The following THSD7A variants were observed in gnomAD, a reference collection of about 807,000 sequenced individuals.
The protein encoded by THSD7A is thrombospondin type 1 domain containing 7A.
THSD7A carries 96 observed loss-of-function variants against 231.3 expected under a neutral mutation model. The ratio of observed to expected loss-of-function variants is 0.41; its 90% confidence interval spans 0.35 to 0.49. THSD7A has a LOEUF of 0.49. THSD7A is among the 20% of genes least tolerant of loss of function. The pLI is 0.05. For missense variants in THSD7A, 2,290 were observed against 2,070.2 expected (o/e 1.11, Z -2.06); for synonymous variants, 940 against 743.3 (o/e 1.26, Z -4.30).
chr7:11,484,185 G>A (rs1294904265), intron 6 of THSD7A, among the ~76,000 whole-genome samples: 4 of 151,882 alleles, frequency 2.6e-5, no homozygotes, highest in African/African-American at 9.7e-5. Flanking sequence ...TTTCCCTGAT[G>A]GTTTTAGAAT....
chr7:11,779,111 T>C (rs1783540835), intron 1 of THSD7A, among the ~76,000 whole-genome samples: 2 of 152,158 alleles, frequency 1.3e-5, no homozygotes, highest in African/African-American at 2.4e-5. Context: ...CAAAGATCAG[T>C]CTGCTAGCTA....
intron 4 of THSD7A, among the ~76,000 whole-genome samples, chr7:11,573,949 G>A (rs1287148436): frequency 6.6e-6 from 1 of 152,120 alleles, no homozygotes; most frequent in Non-Finnish European, 1.5e-5. Flanking sequence ...TCAAGATCAT[G>A]GAGCTCCTAC....
At chr7:11,628,761 A>G (rs1172960078) in intron 2 of THSD7A, among the ~76,000 whole-genome samples, 3 of 152,202 alleles carry the variant, frequency 2.0e-5, no homozygotes, top group Admixed American at 6.5e-5. Context: ...TAGTGAATTA[A>G]TTAGTTAATG....
At chr7:11,773,335 C>T (rs938786867) in intron 1 of THSD7A, among the ~76,000 whole-genome samples, 2 of 152,078 alleles carry the variant, frequency 1.3e-5, no homozygotes, top group Non-Finnish European at 2.9e-5. Context: ...GAGTTCGTGA[C>T]CAGCCTGATC....
At chr7:11,651,010 T>C (rs2128368452) in intron 1 of THSD7A, among the ~76,000 whole-genome samples, 1 of 152,120 alleles carries the variant, frequency 6.6e-6, no homozygotes, top group Admixed American at 6.6e-5. Context: ...AAAATTGACA[T>C]GTGTTAAGAT....
chr7:11,451,044 G>A (rs559440130), intron 11 of THSD7A, among the ~76,000 whole-genome samples: 3 of 152,042 alleles, frequency 2.0e-5, no homozygotes, highest in African/African-American at 4.8e-5. Flanking sequence ...CTGAAAGCAC[G>A]GGAAGAATCA....
chr7:11,768,768 A>T (rs1783111254), intron 1 of THSD7A, among the ~76,000 whole-genome samples: 1 of 152,086 alleles, frequency 6.6e-6, no homozygotes, highest in Non-Finnish European at 1.5e-5. Flanking sequence ...TATAAAATGC[A>T]TTGTTTTTGA....
intron 1 of THSD7A, among the ~76,000 whole-genome samples, chr7:11,747,974 CAGG>C (rs1782366318): frequency 6.6e-6 from 1 of 151,928 alleles, no homozygotes; most frequent in Non-Finnish European, 1.5e-5. Flanking sequence ...GATAAGAAGG[CAGG>C]AGAAGAGAGC....
At chr7:11,557,150 G>C (rs1789880151) in intron 4 of THSD7A, among the ~76,000 whole-genome samples, 1 of 151,590 alleles carries the variant, frequency 6.6e-6, no homozygotes, top group African/African-American at 2.4e-5. Flanking sequence ...AATACTTTTA[G>C]TTTTCTTCCC....
chr7:11,809,924 T>C (rs575607839), intron 1 of THSD7A, among the ~76,000 whole-genome samples: 7 of 152,266 alleles, frequency 4.6e-5, no homozygotes, highest in Non-Finnish European at 1.0e-4. Context: ...TTGAAGGTAG[T>C]GGTTCTAGAA....
intron 1 of THSD7A, among the ~76,000 whole-genome samples, chr7:11,653,216 T>C (rs890290141): frequency 6.6e-6 from 1 of 151,962 alleles, no homozygotes. Flanking sequence ...ATTTTATTTT[T>C]TATTATTTTG....
chr7:11,704,692 C>T (rs930455979), intron 1 of THSD7A, among the ~76,000 whole-genome samples: 21 of 151,056 alleles, frequency 1.4e-4, no homozygotes, highest in South Asian at 4.1e-4. Context: ...CTGGGGTCCA[C>T]GAATTCCATG....
chr7:11,446,191 T>A lies in THSD7A; in HGVS notation c.2934A>T (p.Lys978Asn). 6.2e-7 allele frequency: 1 copy of A among 1,613,528 alleles called. No homozygotes were observed. The highest frequency in any genetic ancestry group is 8.5e-7 in the Non-Finnish European group (1 of 1,179,622). ...CTTTCATTCCCAGCAACACTTCCAC[T>A]TTTCCCTCTGGTAAAATACAGTCTG... Reference protein sequence around the residue: ...NWSDCILPEGKVEVLLGMKVQ... With the variant: ...NWSDCILPEGNVEVLLGMKVQ... The change falls in exon 13 of 28, where the codon AAA becomes AAT. Residue 978 changes from lysine (K) to asparagine (N), a missense_variant. By Grantham distance (94) the Lys-to-Asn change is moderately conservative. Transcript: ENST00000423059. This position sits in a 1 kb window ranked among gnomAD's most constrained non-coding sequence, Gnocchi z 4.0.
In THSD7A at chr7:11,481,858, G is replaced by A. The variant is rs1330610041; in HGVS notation, c.1947C>T (p.Thr649=). Residue 649 remains threonine (T), a synonymous_variant, in exon 7 of 28, where the codon ACC becomes ACT. Coordinates refer to ENST00000423059, the MANE Select transcript of THSD7A (RefSeq NM_015204.3). ...TCCCTTCTGTCGTTTTCCCTGAGCA[G>A]GTGTGTGAGCAGGAGGACCACGTAG... is the stretch of plus-strand genomic sequence containing the variant. ...TWSTWSSCSH[T]CSGKTTEGKQ... 1.2e-6 allele frequency: 2 copies of A among 1,613,718 alleles called. No individual in the cohort carries two copies. The highest frequency in any genetic ancestry group is 2.2e-5 in the East Asian group (1 of 44,854).
chr7:11,539,964 T>C (rs575613438), intron 6 of THSD7A, among the ~76,000 whole-genome samples: 102 of 152,336 alleles, frequency 6.7e-4, no homozygotes, highest in Middle Eastern at 6.8e-3. Context: ...AATACGACCC[T>C]GACTGTTTTT....
intron 1 of THSD7A, among the ~76,000 whole-genome samples, chr7:11,806,252 T>C (rs1784395092): frequency 6.6e-6 from 1 of 152,186 alleles, no homozygotes; most frequent in African/African-American, 2.4e-5. Context: ...TGATTTTTCA[T>C]TGTGCTCAAA....
chr7:11,432,138 C>T (rs1158197723), intron 13 of THSD7A, among the ~76,000 whole-genome samples: 1 of 152,084 alleles, frequency 6.6e-6, no homozygotes, highest in East Asian at 1.9e-4. Context: ...ACATAAGCTT[C>T]TACCACCCTC....
At chr7:11,673,276 C>G (rs992275565) in intron 1 of THSD7A, among the ~76,000 whole-genome samples, 1 of 152,066 alleles carries the variant, frequency 6.6e-6, no homozygotes, top group East Asian at 1.9e-4. Context: ...TACAGGAGTT[C>G]CCATCACCCT....
chr7:11,602,572 G>A (rs1205273775), intron 2 of THSD7A, among the ~76,000 whole-genome samples: 1 of 151,920 alleles, frequency 6.6e-6, no homozygotes, highest in Non-Finnish European at 1.5e-5. Flanking sequence ...CAGATAAATA[G>A]CCTTTTTTTG....
Sources: allele counts gnomAD v4.1 joint callset (sites outside exome capture counted in the v4.1 genomes callset), GRCh38; gene constraint gnomAD v4.1.1; non-coding constraint Gnocchi (gnomAD v3.1); transcripts MANE v1.5; gene names NCBI Gene and HGNC (gene_info 2026-07-23, HGNC 2026-07-21).